The following GABRB3 variants were observed in gnomAD, a reference collection of about 807,000 sequenced individuals.
The protein encoded by GABRB3 is gamma-aminobutyric acid type A receptor subunit beta3, also known as gamma-aminobutyric acid receptor subunit beta-3.
In GABRB3, 14 loss-of-function variants were observed where a neutral mutation model predicts 52.1. The observed-to-expected ratio is 0.27, with a 90% confidence interval of 0.18 to 0.42. The LOEUF is 0.42. GABRB3 is among the 10% of genes least tolerant of loss of function. The pLI is 1.00. For missense variants in GABRB3, 307 were observed against 609.1 expected (o/e 0.50, Z 5.22); for synonymous variants, 260 against 232.3 (o/e 1.12, Z -1.08).
At chr15:26,575,841 G>A (rs1447701653) in intron 6 of GABRB3, among the ~76,000 whole-genome samples, 1 of 152,072 alleles carries the variant, frequency 6.6e-6, no homozygotes, top group Non-Finnish European at 1.5e-5. Flanking sequence ...AATAAAGTCA[G>A]AATATATCAC....
intron 3 of GABRB3, among the ~76,000 whole-genome samples, chr15:26,727,273 A>G (rs1004618115): frequency 6.6e-6 from 1 of 152,224 alleles, no homozygotes; most frequent in African/African-American, 2.4e-5. Context: ...CAACCTCTAC[A>G]GTAAGGAAGA....
At chr15:26,567,940 G>A (rs1363622933) in intron 6 of GABRB3, among the ~76,000 whole-genome samples, 2 of 152,244 alleles carry the variant, frequency 1.3e-5, no homozygotes, top group Non-Finnish European at 2.9e-5. Flanking sequence ...ATAAGATAGT[G>A]ATGAGGATGC....
intron 3 of GABRB3, among the ~76,000 whole-genome samples, chr15:26,633,006 C>T (rs972342019): frequency 6.6e-6 from 1 of 152,248 alleles, no homozygotes; most frequent in Middle Eastern, 3.4e-3. Flanking sequence ...TATTCTACAG[C>T]GAGTATACAC....
rs145700675 is a variant in GABRB3 at position 26,714,887 on chromosome 15, T to C, written c.240+57515A>G. On this transcript the variant is annotated intron_variant, in intron 3 of 8. Transcript: ENST00000311550. Reference sequence around the variant, plus strand: ...AGGAGTGAAAGACAAATCTGTAGTCTGTGGAGAACACTAAGTTCTCAGAGG... The same window carrying C: ...AGGAGTGAAAGACAAATCTGTAGTCCGTGGAGAACACTAAGTTCTCAGAGG... Among the ~76,000 whole-genome samples, 465 of 152,274 alleles carry C rather than the reference T, an allele frequency of 3.1e-3. 1 individual carries two copies. Among genetic ancestry groups the C allele is most frequent in the Non-Finnish European group, 5.4e-3 (370 of 68,018 alleles).
Position 26,554,176 on chromosome 15 carries a change from G to GTATATATATATAAAATATA in GABRB3, c.1081-6043_1081-6042insTATATTTTATATATATATA, listed in dbSNP as rs1889645586. ...TATATATAAAGTATATATATATAAA[G>GTATATATATATAAAATATA]TATATATATATATACTATATATATA... On this transcript the variant is annotated intron_variant, in intron 8 of 8. Coordinates refer to ENST00000311550, the MANE Select transcript of GABRB3 (RefSeq NM_000814.6). 1.1e-4 allele frequency among the ~76,000 whole-genome samples: 3 copies of GTATATATATATAAAATATA among 27,344 alleles called. No homozygotes were observed. The South Asian group carries it at 5.0e-3, about 45-fold the overall frequency. 17.9% of individuals were successfully genotyped at this position (27,344 alleles called of 152,430 possible). A position where few individuals can be genotyped will look rare whatever the true frequency, so the allele number is the denominator to read the frequency against.
chr15:26,671,894 T>C (rs969767205), intron 3 of GABRB3, among the ~76,000 whole-genome samples: 1 of 152,062 alleles, frequency 6.6e-6, no homozygotes, highest in Non-Finnish European at 1.5e-5. Flanking sequence ...TCTCAAAGAG[T>C]TTGAGCTCAT....
chr15:26,568,684 G>GTGTTT (rs373552704), intron 6 of GABRB3, among the ~76,000 whole-genome samples: 15 of 133,666 alleles, frequency 1.1e-4, no homozygotes, highest in African/African-American at 1.3e-4. Context: ...TTTTTTTTTG[G>GTGTTT]TTTTGTATGT....
At chr15:26,561,848 T>C (rs983476311) in intron 7 of GABRB3, among the ~76,000 whole-genome samples, 1 of 152,236 alleles carries the variant, frequency 6.6e-6, no homozygotes, top group Non-Finnish European at 1.5e-5. Context: ...AAAGAATCTG[T>C]ACACAAGCTG....
Position 26,712,572 on chromosome 15 carries a change from A to G in GABRB3, c.240+59830T>C, listed in dbSNP as rs906220782. The stretch of plus-strand genomic sequence containing the variant: ...GGGGAAGCCGAGAGCCCGTGACTCC[A>G]GAATCCTATTGTGGACATTTGATAT... On this transcript the variant is annotated intron_variant, in intron 3 of 8. Transcript: ENST00000311550. 6.6e-5 allele frequency among the ~76,000 whole-genome samples: 10 copies of G among 152,328 alleles called. No individual in the cohort carries two copies. The South Asian group carries it at 1.9e-3, about 28-fold the overall frequency.
chr15:26,648,961 G>A (rs1383726876), intron 3 of GABRB3, among the ~76,000 whole-genome samples: 1 of 152,114 alleles, frequency 6.6e-6, no homozygotes, highest in East Asian at 1.9e-4. Flanking sequence ...CTGAGTCATG[G>A]AGGAGGTAAG....
intron 3 of GABRB3, among the ~76,000 whole-genome samples, chr15:26,733,759 T>C (rs8026932): frequency 0.035 from 5,333 of 152,226 alleles, 89 homozygotes; most frequent in Middle Eastern, 0.082. Context: ...CAATATGGCA[T>C]TGATGTAAAC....
intron 3 of GABRB3, among the ~76,000 whole-genome samples, chr15:26,766,088 T>G (rs527997867): frequency 6.6e-6 from 1 of 152,334 alleles, no homozygotes; most frequent in South Asian, 2.1e-4. Context: ...ACCTGAAGCA[T>G]TTTATAAACC....
At chr15:26,610,803 A>G (rs148352162) in intron 4 of GABRB3, among the ~76,000 whole-genome samples, 179 of 152,326 alleles carry the variant, frequency 1.2e-3, no homozygotes, top group African/African-American at 4.2e-3. Context: ...TCTCATTGCT[A>G]GAGTTCCAAA....
At chr15:26,554,161 G>GTATATATATATATAAAGAGTA (rs576382653) in intron 8 of GABRB3, among the ~76,000 whole-genome samples, 1 of 21,246 alleles carries the variant, frequency 4.7e-5, no homozygotes, top group African/African-American at 1.0e-4. Flanking sequence ...TATATATAAA[G>GTATATATATATATAAAGAGTA]TATATATATA....
chr15:26,666,526 G>C (rs1887716845), intron 3 of GABRB3: 1 of 152,210 alleles, frequency 6.6e-6, no homozygotes, highest in Non-Finnish European at 1.5e-5. Context: ...AGAAACTACA[G>C]GTGAACATGG....
intron 7 of GABRB3, 61 bp from the exon 8 acceptor site, chr15:26,561,237 CTTTCCT>C (rs1889973985): frequency 6.2e-7 from 1 of 1,606,236 alleles, no homozygotes. Flanking sequence ...TCACTTTTCA[CTTTCCT>C]TTTATGTTTT....
intron 3 of GABRB3, among the ~76,000 whole-genome samples, chr15:26,683,719 G>T (rs1163681450): frequency 6.6e-6 from 1 of 152,074 alleles, no homozygotes; most frequent in Non-Finnish European, 1.5e-5. Context: ...CTCCTAGGGG[G>T]CAGGGTCGGG....
chr15:26,624,511 C>T, intron 3 of GABRB3: 1 of 985,438 alleles, frequency 1.0e-6, no homozygotes, highest in South Asian at 4.7e-5. Flanking sequence ...CACTCACAGC[C>T]TGACAGCTCG....
At chr15:26,565,948 T>C (rs1457619698) in intron 7 of GABRB3, among the ~76,000 whole-genome samples, 1 of 152,216 alleles carries the variant, frequency 6.6e-6, no homozygotes, top group East Asian at 1.9e-4. Flanking sequence ...CTTGAAATTG[T>C]ATAAGCTAAC....
Sources: gnomAD v4.1 joint callset for allele counts (sites outside exome capture counted in the v4.1 genomes callset) on GRCh38, gnomAD v4.1.1 for gene constraint, MANE v1.5 for transcripts, NCBI Gene and HGNC (gene_info 2026-07-23, HGNC 2026-07-21) for gene names.